CSMD3: variants seen among roughly 807,000 people sequenced by gnomAD.
CSMD3 encodes the protein CUB and sushi domain-containing protein 3.
A neutral mutation model predicts 435.2 loss-of-function variants in CSMD3; 177 were observed. That is an observed-to-expected ratio of 0.41 (90% CI 0.36 to 0.46). CSMD3 has a LOEUF of 0.46. Among genes scored for constraint, CSMD3 ranks in the 20% least tolerant of loss-of-function variants. The pLI, the probability that CSMD3 is intolerant of heterozygous loss-of-function variation, is 0.34. For synonymous variants in CSMD3, 1,656 were observed against 1,520.5 expected, an observed-to-expected ratio of 1.09 and a Z score of -2.07; for missense variants, 4,265 against 4,504.6, an observed-to-expected ratio of 0.95 and a Z score of 1.52.
rs1413199042 is a variant in CSMD3, at chr8:113,033,212, C to T, written c.918-14033G>A. 3.3e-5 allele frequency among the ~76,000 whole-genome samples: 5 copies of T among 151,662 alleles called. 1 individual carries two copies. Among genetic ancestry groups the T allele is most frequent in the African/African-American group, 1.2e-4 (5 of 41,396 alleles). On this transcript the variant is annotated intron_variant, in intron 5 of 70. Coordinates refer to ENST00000297405, the MANE Select transcript of CSMD3 (RefSeq NM_198123.2). ...TAGTGGAGCTGTGAGAAGAGGGCCA[C>T]CATCCTGACCCCAGAAAGGTAGATC...
At chr8:113,009,486 C>A (rs1011595735) in intron 6 of CSMD3, among the ~76,000 whole-genome samples, 12 of 151,756 alleles carry the variant, frequency 7.9e-5, no homozygotes, top group African/African-American at 2.9e-4. Flanking sequence ...ATCTTAGCTT[C>A]TATGGCCATT....
At chr8:112,603,654 A>G (rs565045020) in intron 22 of CSMD3, among the ~76,000 whole-genome samples, 4 of 152,346 alleles carry the variant, frequency 2.6e-5, no homozygotes, top group South Asian at 2.1e-4. Flanking sequence ...AGTAAATGAT[A>G]AAATAGACTG....
chr8:113,335,891 T>A (rs1361303497), intron 1 of CSMD3, among the ~76,000 whole-genome samples: 1 of 152,052 alleles, frequency 6.6e-6, no homozygotes. Context: ...ATTTAAGATG[T>A]GTATGCATGG....
At chr8:113,196,872 G>A (rs950059728) in intron 3 of CSMD3, among the ~76,000 whole-genome samples, 2 of 151,066 alleles carry the variant, frequency 1.3e-5, no homozygotes, top group Admixed American at 6.6e-5. Context: ...TTGTCTAAGC[G>A]TGTTCTTAAA....
chr8:113,048,369 A>C (rs2087935396), intron 5 of CSMD3, among the ~76,000 whole-genome samples: 1 of 152,204 alleles, frequency 6.6e-6, no homozygotes, highest in Admixed American at 6.5e-5. Flanking sequence ...CTGGGATTAC[A>C]GGCGTGAGCC....
intron 32 of CSMD3, among the ~76,000 whole-genome samples, chr8:112,453,986 T>C (rs1816564613): frequency 6.6e-6 from 1 of 151,756 alleles, no homozygotes; most frequent in South Asian, 2.1e-4. Context: ...TCGACAATAA[T>C]AATCAATGGG....
At chr8:112,533,024 T>G (rs1316889762) in intron 27 of CSMD3, among the ~76,000 whole-genome samples, 1 of 152,094 alleles carries the variant, frequency 6.6e-6, no homozygotes, top group Admixed American at 6.6e-5. Context: ...TCTCTGCCAC[T>G]AACCTTAAGT....
At position 112,555,409 on chromosome 8, in the gene CSMD3, C is replaced by A. The variant is rs139490792; in HGVS notation, c.4234+1354G>T. Among the ~76,000 whole-genome samples, 994 of 152,016 alleles carry A rather than the reference C, an allele frequency of 6.5e-3. 9 individuals carry two copies. Among genetic ancestry groups the A allele is most frequent in the African/African-American group, 0.023 (951 of 41,540 alleles). ...GTATTGTGCTATTAAACTCTTAAAGCTTTTCTGAACATATTTCATAATCAC... is the reference window on the plus strand; with the variant it reads ...GTATTGTGCTATTAAACTCTTAAAGATTTTCTGAACATATTTCATAATCAC... On this transcript the variant is annotated intron_variant, in intron 25 of 70. Transcript: ENST00000297405.
chr8:112,254,080 T>C (rs556482100), intron 63 of CSMD3, among the ~76,000 whole-genome samples, 173 bp downstream of exon 63: 1 of 152,060 alleles, frequency 6.6e-6, no homozygotes, highest in Non-Finnish European at 1.5e-5. Flanking sequence ...TAAAAAAATT[T>C]TTTTTTCTAA....
intron 10 of CSMD3, among the ~76,000 whole-genome samples, chr8:112,895,229 A>C (rs1176463875): frequency 1.3e-5 from 2 of 151,400 alleles, no homozygotes; most frequent in African/African-American, 2.4e-5. Context: ...CTATATATAT[A>C]TTATAAAAGC....
chr8:112,719,373 C>A (rs192849991), intron 13 of CSMD3, among the ~76,000 whole-genome samples: 42 of 152,230 alleles, frequency 2.8e-4, no homozygotes, highest in African/African-American at 9.9e-4. Context: ...GCTGCTACAC[C>A]AAAATACCCA....
At chr8:112,227,296 T>C (rs2129807318) in intron 70 of CSMD3, among the ~76,000 whole-genome samples, 1 of 152,304 alleles carries the variant, frequency 6.6e-6, no homozygotes, top group African/African-American at 2.4e-5. Flanking sequence ...TTTTGCTAAG[T>C]TTAAGAAGCC....
At chr8:112,836,544 C>T (rs1358110116) in intron 11 of CSMD3, among the ~76,000 whole-genome samples, 1 of 151,728 alleles carries the variant, frequency 6.6e-6, no homozygotes. Flanking sequence ...TGCTGAGAGG[C>T]TTTTGCAAAA....
chr8:113,350,139 A>G (rs1489771089), intron 1 of CSMD3, among the ~76,000 whole-genome samples: 2 of 152,026 alleles, frequency 1.3e-5, no homozygotes, highest in African/African-American at 2.4e-5. Flanking sequence ...CAGTCCAAGC[A>G]GAGGTCATAG....
chr8:112,316,676 TC>T (rs1408155144), intron 47 of CSMD3, among the ~76,000 whole-genome samples: 1 of 151,856 alleles, frequency 6.6e-6, no homozygotes, highest in African/African-American at 2.4e-5. Context: ...ATACTTTTTA[TC>T]CCCATTGTAC....
intron 22 of CSMD3, among the ~76,000 whole-genome samples, chr8:112,621,664 T>C (rs997708581): frequency 7.2e-5 from 11 of 152,262 alleles, no homozygotes; most frequent in African/African-American, 2.4e-4. Flanking sequence ...GGACACCATT[T>C]TTTTACTTGT....
At chr8:113,103,680 A>G (rs570104131) in intron 4 of CSMD3, among the ~76,000 whole-genome samples, 51 of 152,142 alleles carry the variant, frequency 3.4e-4, no homozygotes, top group African/African-American at 1.2e-3. Context: ...TTAAAATATT[A>G]TAATATAAAT....
chr8:112,343,001 T>TTATATATATATATTTATA (rs1825305324), intron 41 of CSMD3, among the ~76,000 whole-genome samples: 1 of 109,678 alleles, frequency 9.1e-6, no homozygotes, highest in African/African-American at 3.5e-5. Flanking sequence ...ATATATATAT[T>TTATATATATATATTTATA]TATATATATA....
intron 11 of CSMD3, among the ~76,000 whole-genome samples, chr8:112,843,673 T>G (rs1312232992): frequency 1.3e-5 from 2 of 151,734 alleles, no homozygotes; most frequent in African/African-American, 2.4e-5. Context: ...GGAAGAAGAC[T>G]GGGAATGGAC....
Sources: gnomAD v4.1 joint callset for allele counts (sites outside exome capture counted in the v4.1 genomes callset) on GRCh38, gnomAD v4.1.1 for gene constraint, MANE v1.5 for transcripts, NCBI Gene and HGNC (gene_info 2026-07-23, HGNC 2026-07-21) for gene names.